ARHGAP28: variants seen among roughly 807,000 people sequenced by gnomAD.
ARHGAP28 encodes Rho GTPase activating protein 28, also known as rho GTPase-activating protein 28.
In ARHGAP28, 56 loss-of-function variants were observed where a neutral mutation model predicts 90.7. The observed-to-expected ratio is 0.62, with a 90% CI of 0.50 to 0.77. ARHGAP28 has a LOEUF of 0.77. Among genes scored for constraint, ARHGAP28 ranks in the 30% least tolerant of loss-of-function variants. The pLI is 0.00. For missense variants in ARHGAP28, 869 were observed against 900.9 expected, an observed-to-expected ratio of 0.96 and a Z score of 0.45; for synonymous variants, 308 against 323.3, an observed-to-expected ratio of 0.95 and a Z score of 0.51.
chr18:6,768,348 T>TTTG (rs1159833226), intron 1 of ARHGAP28, among the ~76,000 whole-genome samples: 4 of 152,178 alleles, frequency 2.6e-5, no homozygotes, highest in Non-Finnish European at 5.9e-5. Flanking sequence ...GGACTGTTAT[T>TTTG]TTGTTGTTGT....
intron 16 of ARHGAP28, among the ~76,000 whole-genome samples, chr18:6,905,367 A>G (rs2057359789): frequency 6.6e-6 from 1 of 152,196 alleles, no homozygotes; most frequent in Non-Finnish European, 1.5e-5. Context: ...ACACCGAGTC[A>G]TGATAAAAAC....
chr18:6,868,278 CT>C, intron 6 of ARHGAP28, 44 bp downstream of exon 6: 1 of 1,552,002 alleles, frequency 6.4e-7, no homozygotes, highest in Middle Eastern at 1.7e-4. Flanking sequence ...TGTCTTCTCG[CT>C]TTTGTTCTGG....
intron 1 of ARHGAP28, among the ~76,000 whole-genome samples, chr18:6,743,017 G>A (rs4586535): frequency 0.97 from 147,897 of 152,238 alleles, 72,005 homozygotes; most frequent in Middle Eastern, 1. Flanking sequence ...GTAGAGGTGG[G>A]AGCCACTTTG....
At chr18:6,854,742 G>GCTGCAGCTGCCCACCTGCAGCTGCCCAC (rs34306680) in intron 4 of ARHGAP28, among the ~76,000 whole-genome samples, 1 of 150,898 alleles carries the variant, frequency 6.6e-6, no homozygotes, top group Non-Finnish European at 1.5e-5. Flanking sequence ...CCCAGGCACA[G>GCTGCAGCTGCCCACCTGCAGCTGCCCAC]CTGCAGCTGC....
intron 16 of ARHGAP28, chr18:6,898,555 G>T (rs1212966643): frequency 6.2e-7 from 1 of 1,613,446 alleles, no homozygotes; most frequent in Non-Finnish European, 8.5e-7. Flanking sequence ...TTCACTATTG[G>T]CCTGGACATC....
intron 1 of ARHGAP28, among the ~76,000 whole-genome samples, chr18:6,759,830 G>A (rs1452573917): frequency 6.6e-6 from 1 of 152,130 alleles, no homozygotes; most frequent in Non-Finnish European, 1.5e-5. Context: ...GCTTCCCACT[G>A]TGTTTAAAAA....
intron 1 of ARHGAP28, 71 bp downstream of exon 1, chr18:6,730,014 C>T (rs1335855658): frequency 7.8e-7 from 1 of 1,279,584 alleles, no homozygotes; most frequent in African/African-American, 1.6e-5. Flanking sequence ...GCAGCTGCGC[C>T]TTGTGCCTGA....
intron 17 of ARHGAP28, among the ~76,000 whole-genome samples, chr18:6,910,594 C>T (rs1295211714): frequency 1.3e-5 from 2 of 151,978 alleles, no homozygotes; most frequent in African/African-American, 4.8e-5. Context: ...AGCCTCTCAG[C>T]GAGACCCTCC....
chr18:6,909,144 G>A, intron 17 of ARHGAP28, 120 bp downstream of exon 17: 4 of 621,726 alleles, frequency 6.4e-6, no homozygotes, highest in East Asian at 5.7e-5. Context: ...AAATCAGTAG[G>A]TTTCTGATAT....
In ARHGAP28 at chr18:6,843,516, G is replaced by T. The variant is rs914802123; in HGVS notation, c.543+6102G>T. Among the ~76,000 whole-genome samples, 8 of 152,128 alleles carry T rather than the reference G, an allele frequency of 5.3e-5. 1 individual carries two copies. Among genetic ancestry groups the T allele is most frequent in the Admixed American group, 2.0e-4 (3 of 15,278 alleles). On this transcript the variant is annotated intron_variant, in intron 3 of 17. Coordinates refer to ENST00000383472, the MANE Select transcript of ARHGAP28 (RefSeq NM_001366230.1). ...CCTCTACCCCTATCAAACCATTCCTGCCTGATTTTTATCTGCCAGGAACTT... is the reference window on the plus strand; with the variant it reads ...CCTCTACCCCTATCAAACCATTCCTTCCTGATTTTTATCTGCCAGGAACTT...
intron 1 of ARHGAP28, among the ~76,000 whole-genome samples, chr18:6,783,493 G>T (rs974221256): frequency 2.8e-5 from 4 of 142,152 alleles, no homozygotes; most frequent in African/African-American, 9.3e-5. Flanking sequence ...TAGAGACGGG[G>T]TTTCTCCATG....
intron 1 of ARHGAP28, among the ~76,000 whole-genome samples, chr18:6,820,349 T>C (rs1344697929): frequency 6.6e-6 from 1 of 152,064 alleles, no homozygotes; most frequent in Non-Finnish European, 1.5e-5. Context: ...GACAGTGAAA[T>C]AGAAATGTTT....
At chr18:6,769,152 G>A (rs1387996865) in intron 1 of ARHGAP28, among the ~76,000 whole-genome samples, 1 of 151,932 alleles carries the variant, frequency 6.6e-6, no homozygotes, top group Non-Finnish European at 1.5e-5. Context: ...GCCATTGATT[G>A]TGCCCTGGAC....
intron 5 of ARHGAP28, among the ~76,000 whole-genome samples, chr18:6,861,723 A>G (rs2057000301): frequency 6.6e-6 from 1 of 151,986 alleles, no homozygotes; most frequent in African/African-American, 2.4e-5. Context: ...CCACAATTTT[A>G]TTTCTGGTAA....
chr18:6,843,856 A>C (rs1216602573), intron 3 of ARHGAP28, among the ~76,000 whole-genome samples: 6 of 152,200 alleles, frequency 3.9e-5, no homozygotes, highest in African/African-American at 1.4e-4. Context: ...TAAATATCTA[A>C]TACATTTAGT....
chr18:6,741,790 G>T (rs1034099637), intron 1 of ARHGAP28, among the ~76,000 whole-genome samples: 1 of 152,126 alleles, frequency 6.6e-6, no homozygotes, highest in Admixed American at 6.6e-5. Context: ...CCCCAACCCT[G>T]CCCACATCCA....
At chr18:6,839,850 TATG>T (rs1375995543) in intron 3 of ARHGAP28, among the ~76,000 whole-genome samples, 2 of 152,246 alleles carry the variant, frequency 1.3e-5, no homozygotes, top group Non-Finnish European at 2.9e-5. Context: ...TCATTTGACT[TATG>T]ATGTGCATTT....
chr18:6,839,939 A>G (rs1461000678), intron 3 of ARHGAP28, among the ~76,000 whole-genome samples: 1 of 151,752 alleles, frequency 6.6e-6, no homozygotes, highest in Non-Finnish European at 1.5e-5. Flanking sequence ...ATGAAGAGCA[A>G]CTCTCCTTCT....
chr18:6,830,717 G>A (rs1202856482), intron 2 of ARHGAP28, among the ~76,000 whole-genome samples: 5 of 152,074 alleles, frequency 3.3e-5, no homozygotes, highest in Non-Finnish European at 5.9e-5. Context: ...GTCTGCAAAA[G>A]CTTTGTTTCC....
Sources: allele counts gnomAD v4.1 joint callset (sites outside exome capture counted in the v4.1 genomes callset), GRCh38; gene constraint gnomAD v4.1.1; transcripts MANE v1.5; gene names NCBI Gene and HGNC (gene_info 2026-07-23, HGNC 2026-07-21).